The following MROH1 variants were observed in gnomAD, a reference collection of about 807,000 sequenced individuals.
MROH1 encodes the protein maestro heat-like repeat-containing protein family member 1.
MROH1 carries 117 observed loss-of-function variants against 116.5 expected under a neutral mutation model. That is an observed-to-expected ratio of 1.00 (90% CI 0.86 to 1.17). The LOEUF (loss-of-function observed/expected upper bound fraction) is 1.17, where lower values mean the gene tolerates loss of function less well. MROH1 is among the 50% of genes most tolerant of loss of function. The pLI, the probability that MROH1 is intolerant of heterozygous loss-of-function variation, is 0.00. For synonymous variants in MROH1, 921 were observed against 583.9 expected, an observed-to-expected ratio of 1.58 and a Z score of -8.32; for missense variants, 1,873 against 1,338.5, an observed-to-expected ratio of 1.40 and a Z score of -6.23.
chr8:144,218,351 C>T (rs1835735810), intron 12 of MROH1, among the ~76,000 whole-genome samples: 1 of 152,090 alleles, frequency 6.6e-6, no homozygotes, highest in South Asian at 2.1e-4. Context: ...TCTACCTGTT[C>T]CAGCATCCTT....
At chr8:144,249,083 G>A (rs1251708142) in intron 32 of MROH1, 54 bp downstream of exon 32, 22 of 709,568 alleles carry the variant, frequency 3.1e-5, no homozygotes, top group Admixed American at 1.6e-4. Context: ...GAGAGGGCGC[G>A]GTGGGACGGG....
intron 14 of MROH1, among the ~76,000 whole-genome samples, chr8:144,225,316 G>C (rs990378152): frequency 1.3e-5 from 2 of 152,120 alleles, no homozygotes; most frequent in African/African-American, 4.8e-5. Context: ...TTATAAATAT[G>C]TATTTTTTTA....
At chr8:144,260,577 C>T in intron 39 of MROH1, 100 bp from the exon 40 acceptor site, 1 of 763,194 alleles carries the variant, frequency 1.3e-6, no homozygotes, top group East Asian at 2.4e-5. Flanking sequence ...TGTTTCCTGG[C>T]CCGGGTCAGG....
At position 144,223,231 on chromosome 8, in the gene MROH1, G is replaced by A. The variant is rs1302781495; in HGVS notation, c.1338+1G>A. ...GTGCGCGCTGCCCCCCGAGCAGGAGGTAAGGGGCTGCCACCTTGCCTGCCT... is the reference window on the plus strand; with the variant it reads ...GTGCGCGCTGCCCCCCGAGCAGGAGATAAGGGGCTGCCACCTTGCCTGCCT... On this transcript the variant is annotated splice_donor_variant, in intron 14 of 43. Transcript: ENST00000326134. LOFTEE classifies it high-confidence loss of function. 1.9e-6 allele frequency: 3 copies of A among 1,597,534 alleles called. No homozygotes were observed. The highest frequency in any genetic ancestry group is 2.6e-6 in the Non-Finnish European group (3 of 1,172,854).
chr8:144,256,459 C>G (rs2065594861), intron 35 of MROH1, among the ~76,000 whole-genome samples: 1 of 152,206 alleles, frequency 6.6e-6, no homozygotes, highest in Non-Finnish European at 1.5e-5. Flanking sequence ...GCCCCCTCCC[C>G]CTGCCCCAGC....
At position 144,241,082 on chromosome 8, in the gene MROH1, G is replaced by C; in HGVS notation, c.2026G>C (p.Ala676Pro). Residue 676 changes from alanine to proline, a missense_variant, in exon 21 of 44, where the codon GCC becomes CCC. Ala to Pro is a conservative substitution (Grantham distance 27, BLOSUM62 -1). Coordinates refer to ENST00000326134, the MANE Select transcript of MROH1 (RefSeq NM_032450.3). Reference protein sequence around the residue: ...RKHLQELLETARYQEEAEREG... With the variant: ...RKHLQELLETPRYQEEAEREG... ...GCACCTTCAAGAGCTGCTGGAGACG[G>C]CCAGATACCAGGAGGAGGCAGAACG... 1 of 773,508 alleles carries C rather than the reference G, an allele frequency of 1.3e-6. No individual in the cohort carries two copies. 47.9% of individuals were successfully genotyped at this position (773,508 alleles called of 1,614,324 possible).
chr8:144,219,904 T>C (rs1266575681), intron 12 of MROH1, among the ~76,000 whole-genome samples: 1 of 152,150 alleles, frequency 6.6e-6, no homozygotes, highest in Non-Finnish European at 1.5e-5. Context: ...GCTCTGCCAT[T>C]TGCTGCTCCG....
intron 12 of MROH1, chr8:144,212,854 G>A: frequency 1.7e-6 from 1 of 577,832 alleles, no homozygotes; most frequent in Non-Finnish European, 3.1e-6. Flanking sequence ...GCCTCCCAAA[G>A]TGTTGGGATT....
intron 12 of MROH1, among the ~76,000 whole-genome samples, chr8:144,211,726 CAAAAAAA>C (rs74429626): frequency 8.7e-6 from 1 of 114,906 alleles, no homozygotes; most frequent in Non-Finnish European, 1.9e-5. Flanking sequence ...AATTCCATCT[CAAAAAAA>C]AAAAAAAGAA....
At chr8:144,232,473 T>C (rs1554823166) in intron 14 of MROH1, among the ~76,000 whole-genome samples, 1 of 147,952 alleles carries the variant, frequency 6.8e-6, no homozygotes, top group African/African-American at 2.6e-5. Context: ...TTTGTTTGTT[T>C]GTTTATTTAT....
chr8:144,254,698 G>A, intron 33 of MROH1, 115 bp from the exon 34 acceptor site: 1 of 624,248 alleles, frequency 1.6e-6, no homozygotes, highest in Non-Finnish European at 2.9e-6. Context: ...GGCTGCAGCT[G>A]AGCCTGGTGG....
At chr8:144,191,667 C>A (rs780155324) in intron 8 of MROH1, 48 bp from the exon 9 acceptor site, 2 of 1,601,768 alleles carry the variant, frequency 1.2e-6, no homozygotes, top group Admixed American at 3.4e-5. Flanking sequence ...TCTGAGCAGT[C>A]GGTGTTGACT....
rs1211066127 is a variant in MROH1 at position 144,241,422 on chromosome 8, G to GCCAT, written c.2085_2088dup (p.Ser697HisfsTer31). On this transcript the variant is annotated frameshift_variant, in exon 22 of 44. Coordinates refer to ENST00000326134, the MANE Select transcript of MROH1 (RefSeq NM_032450.3). LOFTEE classifies it high-confidence loss of function. ...CCTCGCCTGCTGCTTCGGGATCTGT[G>GCCAT]CCATCTCCCACCTCGAGGACACGCT... 1.3e-6 allele frequency: 1 copy of GCCAT among 778,444 alleles called. No homozygotes were observed. The highest frequency in any genetic ancestry group is 2.4e-6 in the Non-Finnish European group (1 of 417,742). The allele number at this position is 778,444 out of a possible 1,614,324, so 48.2% of individuals were successfully genotyped here. A position where few individuals can be genotyped will look rare whatever the true frequency, so the allele number is the denominator to read the frequency against.
At chr8:144,167,296 G>A (rs1027525135) in intron 3 of MROH1, among the ~76,000 whole-genome samples, 1 of 145,512 alleles carries the variant, frequency 6.9e-6, no homozygotes, top group Admixed American at 6.9e-5. Context: ...GGTTGGGGTG[G>A]AGTGGCCGGT....
At chr8:144,168,764 G>T (rs1478374914) in intron 4 of MROH1, among the ~76,000 whole-genome samples, 1 of 152,338 alleles carries the variant, frequency 6.6e-6, no homozygotes, top group East Asian at 1.9e-4. Flanking sequence ...CATGGTCCCT[G>T]CCTGAGGGAC....
At chr8:144,168,545 T>G in intron 4 of MROH1, 105 bp downstream of exon 4, 1 of 1,377,798 alleles carries the variant, frequency 7.3e-7, no homozygotes, top group South Asian at 1.4e-5. Flanking sequence ...GGTCGGGTGT[T>G]ACGCAGGGGT....
rs1844522462 is a variant in MROH1 at position 144,259,314 on chromosome 8, A to G, written c.4004A>G (p.Tyr1335Cys). ...CTGGCATGCACACACAGCAGTGCGTATGAGAACCAGAGGGTGACCACCACC... is the reference window on the plus strand; with the variant it reads ...CTGGCATGCACACACAGCAGTGCGTGTGAGAACCAGAGGGTGACCACCACC... ...KTLACTHSSA[Y>C]ENQRVTTTAF... The change falls in exon 37 of 44, where the codon TAT (tyrosine) becomes TGT (cysteine). Residue 1335 changes from tyrosine to cysteine, a missense_variant. Physicochemically the swap from Tyr to Cys is radical, Grantham distance 194 (BLOSUM62 -2). Coordinates refer to ENST00000326134, the MANE Select transcript of MROH1 (RefSeq NM_032450.3). 2.8e-6 allele frequency: 2 copies of G among 715,038 alleles called. No homozygotes were observed. Among genetic ancestry groups the G allele is most frequent in the East Asian group, 2.7e-5 (1 of 37,298 alleles). 44.3% of individuals were successfully genotyped at this position (715,038 alleles called of 1,614,324 possible).
chr8:144,241,176 T>C (rs1840909514), intron 21 of MROH1, 65 bp downstream of exon 21: 6 of 714,842 alleles, frequency 8.4e-6, no homozygotes, highest in East Asian at 2.7e-5. Flanking sequence ...GCACCTGCTG[T>C]TCTCTGAGGC....
intron 12 of MROH1, chr8:144,213,330 G>T (rs760177660): frequency 1.3e-5 from 6 of 451,872 alleles, no homozygotes; most frequent in Non-Finnish European, 2.4e-5. Context: ...ATAGTTTATT[G>T]TGCCTTTTAT....
Sources: allele counts gnomAD v4.1 joint callset (sites outside exome capture counted in the v4.1 genomes callset), GRCh38; gene constraint gnomAD v4.1.1; transcripts MANE v1.5; gene names NCBI Gene and HGNC (gene_info 2026-07-23, HGNC 2026-07-21).